IMMP2L: variants seen among roughly 807,000 people sequenced by gnomAD.
IMMP2L encodes mitochondrial inner membrane protease subunit 2.
Under a neutral mutation model 19.3 loss-of-function variants are expected in IMMP2L, and 18 were observed. That is an observed-to-expected ratio of 0.93 (90% CI 0.64 to 1.38). The LOEUF (loss-of-function observed/expected upper bound fraction) is 1.38. IMMP2L is among the 40% of genes most tolerant of loss of function. The pLI is 0.00. For missense variants in IMMP2L, 233 were observed against 218.2 expected, an observed-to-expected ratio of 1.07 and a Z score of -0.43; for synonymous variants, 76 against 73.0, an observed-to-expected ratio of 1.04 and a Z score of -0.21.
chr7:111,531,880 T>C (rs1257561822), intron 1 of IMMP2L, among the ~76,000 whole-genome samples: 2 of 152,078 alleles, frequency 1.3e-5, no homozygotes, highest in African/African-American at 4.8e-5. Context: ...TAAAAGGATA[T>C]ATTACCAGCA....
intron 3 of IMMP2L, among the ~76,000 whole-genome samples, chr7:111,338,302 AT>A (rs1291835649): frequency 6.6e-6 from 1 of 151,730 alleles, no homozygotes; most frequent in Non-Finnish European, 1.5e-5. Flanking sequence ...TGCTATTGCT[AT>A]TTTTTTTCTC....
At chr7:111,028,662 A>G (rs1406233930) in intron 3 of IMMP2L, among the ~76,000 whole-genome samples, 1 of 152,148 alleles carries the variant, frequency 6.6e-6, no homozygotes, top group Non-Finnish European at 1.5e-5. Context: ...CTCATTATTT[A>G]AGAAGTCATT....
intron 3 of IMMP2L, among the ~76,000 whole-genome samples, chr7:111,322,773 A>T (rs184559039): frequency 7.2e-5 from 11 of 152,034 alleles, no homozygotes; most frequent in African/African-American, 2.6e-4. Flanking sequence ...AAGCAGGTTA[A>T]CATTTATGGG....
intron 3 of IMMP2L, among the ~76,000 whole-genome samples, chr7:111,416,364 T>C (rs1759807534): frequency 1.3e-5 from 2 of 151,882 alleles, no homozygotes; most frequent in Admixed American, 6.6e-5. Flanking sequence ...GCTTTCTGTT[T>C]TTCTATCAAT....
chr7:111,081,454 C>T (rs1795883684), intron 3 of IMMP2L, among the ~76,000 whole-genome samples: 1 of 152,172 alleles, frequency 6.6e-6, no homozygotes, highest in African/African-American at 2.4e-5. Flanking sequence ...CATGCTAGCA[C>T]CTCTTTGTAA....
chr7:110,876,953 T>C (rs1414564643), intron 5 of IMMP2L, among the ~76,000 whole-genome samples: 1 of 152,170 alleles, frequency 6.6e-6, no homozygotes. Flanking sequence ...CTTTCTAAAG[T>C]TATCTATTAC....
At chr7:110,827,038 T>C (rs1424418641) in intron 5 of IMMP2L, among the ~76,000 whole-genome samples, 1 of 152,142 alleles carries the variant, frequency 6.6e-6, no homozygotes, top group Non-Finnish European at 1.5e-5. Flanking sequence ...GTCCCACCAT[T>C]GCTTTTGTAC....
chr7:111,212,754 T>C (rs976805316), intron 3 of IMMP2L, among the ~76,000 whole-genome samples: 9 of 152,336 alleles, frequency 5.9e-5, no homozygotes, highest in African/African-American at 2.2e-4. Flanking sequence ...CAGTGGGGTC[T>C]GGTTGAAAAA....
chr7:111,139,342 G>A (rs1040384731), intron 3 of IMMP2L, among the ~76,000 whole-genome samples: 2 of 151,958 alleles, frequency 1.3e-5, no homozygotes, highest in Non-Finnish European at 2.9e-5. Flanking sequence ...ACTGGACTAG[G>A]TTGGTATTTC....
intron 1 of IMMP2L, among the ~76,000 whole-genome samples, chr7:111,555,514 C>G (rs899067499): frequency 1.3e-5 from 2 of 151,944 alleles, no homozygotes; most frequent in Admixed American, 6.6e-5. Context: ...CAACATCTCC[C>G]TTTCTATGGT....
intron 5 of IMMP2L, among the ~76,000 whole-genome samples, chr7:110,789,588 A>G (rs944890524): frequency 1.3e-5 from 2 of 151,740 alleles, no homozygotes; most frequent in Admixed American, 1.3e-4. Flanking sequence ...CTCTAAAAGT[A>G]TAAATCAGTT....
chr7:111,079,270 A>G (rs1053252667), intron 3 of IMMP2L, among the ~76,000 whole-genome samples: 2 of 107,914 alleles, frequency 1.9e-5, no homozygotes, highest in Non-Finnish European at 4.5e-5. Context: ...GGCGCCCGCC[A>G]CTACGCCCGG....
intron 5 of IMMP2L, among the ~76,000 whole-genome samples, chr7:110,673,332 G>A (rs574230702): frequency 4.8e-4 from 73 of 152,304 alleles, no homozygotes; most frequent in Non-Finnish European, 7.1e-4. Context: ...GTAGGTCCTG[G>A]GCCCAGCCCA....
chr7:111,001,329 C>T (rs1823663191), intron 3 of IMMP2L, among the ~76,000 whole-genome samples: 1 of 152,106 alleles, frequency 6.6e-6, no homozygotes, highest in Non-Finnish European at 1.5e-5. Context: ...TAAATAAAAT[C>T]CATTCAAGCA....
At chr7:111,456,233 G>A (rs1839664247) in intron 3 of IMMP2L, among the ~76,000 whole-genome samples, 1 of 151,980 alleles carries the variant, frequency 6.6e-6, no homozygotes, top group Non-Finnish European at 1.5e-5. Flanking sequence ...AGTGGTAGGG[G>A]TGGTTTGGTC....
At position 110,716,706 on chromosome 7, in the gene IMMP2L, A is replaced by C. The variant is rs765094793; in HGVS notation, c.409-52985T>G. Among the ~76,000 whole-genome samples the C allele has an allele frequency of 2.0e-5, 3 of 152,180 alleles. No individual in the cohort carries two copies. In the South Asian group the frequency reaches 6.2e-4, roughly 32 times the overall value. The stretch of plus-strand genomic sequence containing the variant: ...TGAGGTTCTCTTTGCATGTGATCAG[A>C]TAGTCACTGCTTAATCCCAGTATTT... On this transcript the variant is annotated intron_variant, in intron 5 of 5. Transcript: ENST00000405709.
At chr7:110,722,066 T>C (rs1273945578) in intron 5 of IMMP2L, among the ~76,000 whole-genome samples, 1 of 152,008 alleles carries the variant, frequency 6.6e-6, no homozygotes, top group Non-Finnish European at 1.5e-5. Flanking sequence ...ATTTAAAAGA[T>C]GAATAGGATG....
intron 4 of IMMP2L, among the ~76,000 whole-genome samples, chr7:110,926,663 T>A (rs1440224986): frequency 6.6e-6 from 1 of 152,170 alleles, no homozygotes; most frequent in East Asian, 1.9e-4. Context: ...TTGAAACCTG[T>A]ATACTTGGAA....
At chr7:111,550,966 G>A (rs1421265582) in intron 1 of IMMP2L, among the ~76,000 whole-genome samples, 1 of 152,098 alleles carries the variant, frequency 6.6e-6, no homozygotes, top group African/African-American at 2.4e-5. Flanking sequence ...CAGCAACAAG[G>A]AGAAAAGAAT....
Sources: gnomAD v4.1 joint callset for allele counts (sites outside exome capture counted in the v4.1 genomes callset) on GRCh38, gnomAD v4.1.1 for gene constraint, MANE v1.5 for transcripts, NCBI Gene and HGNC (gene_info 2026-07-23, HGNC 2026-07-21) for gene names.